The following FBXO34 variants were observed in gnomAD, a reference collection of about 807,000 sequenced individuals.
The protein encoded by FBXO34 is F-box only protein 34.
In FBXO34, 12 loss-of-function variants were observed where a neutral mutation model predicts 24.5. The observed-to-expected ratio is 0.49, with a 90% CI of 0.31 to 0.79. The LOEUF is 0.79. Ranked by LOEUF, FBXO34 falls within the 30% of genes least tolerant of loss-of-function variation. FBXO34 has a pLI of 0.04. For missense variants in FBXO34, 823 were observed against 857.7 expected, an observed-to-expected ratio of 0.96 and a Z score of 0.51; for synonymous variants, 320 against 311.9, an observed-to-expected ratio of 1.03 and a Z score of -0.27.
chr14:55,301,550 A>T (rs936623548), intron 1 of FBXO34, among the ~76,000 whole-genome samples: 6 of 152,216 alleles, frequency 3.9e-5, no homozygotes, highest in Non-Finnish European at 8.8e-5. Context: ...TCATCTGTAA[A>T]ATGAGGGCAT....
intron 1 of FBXO34, among the ~76,000 whole-genome samples, chr14:55,315,673 C>T (rs931261314): frequency 6.6e-6 from 1 of 152,110 alleles, no homozygotes; most frequent in African/African-American, 2.4e-5. Flanking sequence ...AGGGAAGTTC[C>T]ATTGTTTTCT....
chr14:55,275,824 A>AG (rs1491467428), intron 1 of FBXO34, among the ~76,000 whole-genome samples: 2 of 38,330 alleles, frequency 5.2e-5, no homozygotes, highest in Non-Finnish European at 8.8e-5. Context: ...ACTCTGTCTC[A>AG]AAAAAAAAAA....
intron 1 of FBXO34, among the ~76,000 whole-genome samples, chr14:55,321,995 C>G (rs1883149484): frequency 6.6e-6 from 1 of 152,188 alleles, no homozygotes; most frequent in Non-Finnish European, 1.5e-5. Flanking sequence ...CTCTAACTTG[C>G]CTCCGCAAAT....
chr14:55,323,184 CAAAAAAAAAAAAAAAAAA>C (rs368380622), intron 1 of FBXO34, among the ~76,000 whole-genome samples: 1 of 12,168 alleles, frequency 8.2e-5, no homozygotes, highest in African/African-American at 5.1e-4. Context: ...GACTCTGTCT[CAAAAAAAAAAAAAAAAAA>C]AAAAAAAAAA....
At chr14:55,342,891 T>C (rs747627393) in intron 1 of FBXO34, among the ~76,000 whole-genome samples, 1 of 152,242 alleles carries the variant, frequency 6.6e-6, no homozygotes, top group East Asian at 1.9e-4. Flanking sequence ...GTTTTCGATA[T>C]ATCATCCTTC....
intron 1 of FBXO34, among the ~76,000 whole-genome samples, chr14:55,292,688 A>G (rs1454219348): frequency 1.3e-5 from 2 of 151,988 alleles, no homozygotes; most frequent in African/African-American, 4.8e-5. Flanking sequence ...TGGGAGCATT[A>G]AAAGAAAGGA....
At chr14:55,300,679 T>C (rs563023934) in intron 1 of FBXO34, among the ~76,000 whole-genome samples, 10 of 146,492 alleles carry the variant, frequency 6.8e-5, no homozygotes, top group African/African-American at 2.8e-4. Flanking sequence ...TTCAACACGT[T>C]CTTATGTCCT....
intron 1 of FBXO34, among the ~76,000 whole-genome samples, chr14:55,316,168 T>C (rs559017108): frequency 3.9e-5 from 6 of 152,304 alleles, no homozygotes; most frequent in Non-Finnish European, 7.3e-5. Context: ...CTGAAAATAA[T>C]AATGATTTCT....
rs1329750987 is a variant in FBXO34 at position 55,351,809 on chromosome 14, C to T, written c.1419C>T (p.Ser473=). ...VDKDQPSILN[S]CEDPVPGMLF... Reference sequence around the variant, plus strand: ...AAGACCAGCCTTCCATTTTAAACTCCTGTGAAGACCCAGTTCCAGGGATGT... The same window carrying T: ...AAGACCAGCCTTCCATTTTAAACTCTTGTGAAGACCCAGTTCCAGGGATGT... Residue 473 remains serine (S), a synonymous_variant, in exon 2 of 2, where the codon TCC becomes TCT. Coordinates refer to ENST00000313833, the MANE Select transcript of FBXO34 (RefSeq NM_017943.4). The T allele has an allele frequency of 7.4e-6, 12 of 1,614,152 alleles. No homozygotes were observed. The East Asian group carries it at 2.7e-4, about 36-fold the overall frequency.
At chr14:55,331,817 C>CATA (rs1883587048) in intron 1 of FBXO34, among the ~76,000 whole-genome samples, 1 of 58,132 alleles carries the variant, frequency 1.7e-5, no homozygotes, top group Non-Finnish European at 3.2e-5. Flanking sequence ...TATATATACA[C>CATA]CACCGGGGTG....
At chr14:55,276,438 T>C (rs531354132) in intron 1 of FBXO34, among the ~76,000 whole-genome samples, 4 of 152,364 alleles carry the variant, frequency 2.6e-5, no homozygotes, top group Non-Finnish European at 5.9e-5. Context: ...AAGTATACTT[T>C]ACACCTAGAC....
chr14:55,437,055 C>G, the FBXO34 span: 1 of 1,558,308 alleles, frequency 6.4e-7, no homozygotes. Context: ...AAAAACACAA[C>G]AGACAGAACA....
At chr14:55,412,881 G>C in the FBXO34 span, among the ~76,000 whole-genome samples, 11 of 152,156 alleles carry the variant, frequency 7.2e-5, no homozygotes, top group Admixed American at 5.2e-4. Context: ...CTTTGGTAAA[G>C]GACGTAATCA....
At chr14:55,362,837 T>C (rs1213982685), downstream of FBXO34, among the ~76,000 whole-genome samples, 1 of 150,648 alleles carries the variant, frequency 6.6e-6, no homozygotes, top group Non-Finnish European at 1.5e-5. Context: ...TCTTGACAAT[T>C]TTTTTTTTTA....
At chr14:55,330,652 G>T (rs1432713921) in intron 1 of FBXO34, among the ~76,000 whole-genome samples, 1 of 152,092 alleles carries the variant, frequency 6.6e-6, no homozygotes, top group Non-Finnish European at 1.5e-5. Flanking sequence ...TTAGCTGGGA[G>T]TGGTGGTATA....
Position 55,352,325 on chromosome 14 carries a change from C to T in FBXO34, c.1935C>T (p.Ser645=). The T allele has an allele frequency of 6.2e-7, 1 of 1,614,194 alleles. No individual in the cohort carries two copies. The highest frequency in any genetic ancestry group is 8.5e-7 in the Non-Finnish European group (1 of 1,180,010). Residue 645 remains serine (S), a synonymous_variant, in exon 2 of 2, where the codon TCC becomes TCT. Coordinates refer to ENST00000313833, the MANE Select transcript of FBXO34 (RefSeq NM_017943.4). ...CKKKYVKGDV[S]LCRWHPKPYC... ...AAAAGTATGTGAAAGGGGATGTGTC[C>T]CTGTGCCGATGGCACCCCAAGCCCT...
At chr14:55,290,889 A>C (rs903653295) in intron 1 of FBXO34, among the ~76,000 whole-genome samples, 2 of 152,142 alleles carry the variant, frequency 1.3e-5, no homozygotes, top group African/African-American at 2.4e-5. Context: ...GCACTATCTC[A>C]GCTCACTGCA....
chr14:55,434,702 A>G, the FBXO34 span, among the ~76,000 whole-genome samples: 1 of 152,226 alleles, frequency 6.6e-6, no homozygotes, highest in Admixed American at 6.5e-5. Context: ...TGTCAGCTGT[A>G]TGAAATATCA....
the FBXO34 span, among the ~76,000 whole-genome samples, chr14:55,393,256 G>C: frequency 2.6e-5 from 4 of 151,938 alleles, no homozygotes; most frequent in African/African-American, 9.7e-5. Context: ...GTGGTGGTGG[G>C]CGCCTGTAGT....
Sources: allele counts gnomAD v4.1 joint callset (sites outside exome capture counted in the v4.1 genomes callset), GRCh38; gene constraint gnomAD v4.1.1; transcripts MANE v1.5; gene names NCBI Gene and HGNC (gene_info 2026-07-23, HGNC 2026-07-21).